Variants in DNAJC15 observed in about 807,000 individuals in gnomAD.
DNAJC15 encodes DnaJ heat shock protein family (Hsp40) member C15, also known as dnaJ homolog subfamily C member 15.
DNAJC15 carries 27 observed loss-of-function variants against 22.4 expected under a neutral mutation model. The observed-to-expected ratio is 1.20, with a 90% CI of 0.89 to 1.66. The LOEUF (loss-of-function observed/expected upper bound fraction) is 1.66. Ranked by LOEUF, DNAJC15 falls within the 40% of genes most tolerant of loss-of-function variation. The pLI is 0.00. For missense variants in DNAJC15, 208 were observed against 187.1 expected, an observed-to-expected ratio of 1.11 and a Z score of -0.65; for synonymous variants, 79 against 63.2, an observed-to-expected ratio of 1.25 and a Z score of -1.19.
intron 1 of DNAJC15, among the ~76,000 whole-genome samples, chr13:43,030,903 G>T (rs1210668749): frequency 6.6e-6 from 1 of 152,242 alleles, no homozygotes; most frequent in Non-Finnish European, 1.5e-5. Context: ...TAAAATGCTT[G>T]ATTTCGTAGG....
At chr13:43,063,256 C>T (rs1161264708) in intron 1 of DNAJC15, among the ~76,000 whole-genome samples, 3 of 152,126 alleles carry the variant, frequency 2.0e-5, no homozygotes, top group Non-Finnish European at 2.9e-5. Flanking sequence ...GTGATCTGCC[C>T]GTCTTGGCCT....
intron 1 of DNAJC15, among the ~76,000 whole-genome samples, chr13:43,027,680 G>A (rs2040386504): frequency 6.7e-6 from 1 of 148,320 alleles, no homozygotes; most frequent in Admixed American, 6.7e-5. Flanking sequence ...TTTTTGAGAT[G>A]GAGTCTTGCT....
At chr13:43,054,987 A>C (rs2040522332) in intron 1 of DNAJC15, among the ~76,000 whole-genome samples, 1 of 151,866 alleles carries the variant, frequency 6.6e-6, no homozygotes, top group African/African-American at 2.4e-5. Flanking sequence ...ACCAAACTTC[A>C]CAATGGGCCC....
At chr13:43,051,976 T>G (rs143813848) in intron 1 of DNAJC15, among the ~76,000 whole-genome samples, 2,925 of 152,146 alleles carry the variant, frequency 0.019, 75 homozygotes, top group South Asian at 0.11. Flanking sequence ...ATTATTATTA[T>G]TTTTTTGAGA....
At chr13:43,101,922 A>T (rs1421255489) in intron 5 of DNAJC15, among the ~76,000 whole-genome samples, 1 of 152,168 alleles carries the variant, frequency 6.6e-6, no homozygotes, top group Admixed American at 6.5e-5. Context: ...TCACATAATG[A>T]CTTCTTTTCC....
chr13:43,096,774 C>T (rs781353929), intron 5 of DNAJC15, among the ~76,000 whole-genome samples: 2 of 152,078 alleles, frequency 1.3e-5, no homozygotes, highest in African/African-American at 2.4e-5. Context: ...TTGTTTTGAC[C>T]AATAGAATAT....
intron 1 of DNAJC15, among the ~76,000 whole-genome samples, chr13:43,060,019 T>A (rs987602404): frequency 6.6e-6 from 1 of 152,240 alleles, no homozygotes; most frequent in Admixed American, 6.5e-5. Flanking sequence ...TTTGAGGATC[T>A]TCAGTTGCTT....
At chr13:43,097,047 A>C (rs780875741) in intron 5 of DNAJC15, among the ~76,000 whole-genome samples, 2 of 152,216 alleles carry the variant, frequency 1.3e-5, no homozygotes, top group Admixed American at 6.5e-5. Flanking sequence ...TTCGCCACTA[A>C]GTTTTGGGGT....
intron 2 of DNAJC15, among the ~76,000 whole-genome samples, chr13:43,067,587 C>T (rs974472315): frequency 1.3e-5 from 2 of 152,136 alleles, no homozygotes; most frequent in African/African-American, 4.8e-5. Flanking sequence ...ATAGACCACA[C>T]CATTCCCAAA....
At chr13:43,043,985 A>T (rs1263044819) in intron 1 of DNAJC15, among the ~76,000 whole-genome samples, 1 of 152,178 alleles carries the variant, frequency 6.6e-6, no homozygotes, top group East Asian at 1.9e-4. Context: ...GGATAATTTT[A>T]TAAATTCTCG....
intron 1 of DNAJC15, among the ~76,000 whole-genome samples, chr13:43,041,926 G>C (rs190083946): frequency 6.6e-6 from 1 of 152,170 alleles, no homozygotes; most frequent in Admixed American, 6.5e-5. Context: ...GTGTGGCCTG[G>C]GATCACAATG....
At position 43,110,760 on chromosome 13, in the gene DNAJC15, G is replaced by C. The variant is rs2040820993; in HGVS notation, c.*3512G>C. 1 of 152,126 alleles carries C rather than the reference G, an allele frequency of 6.6e-6. No homozygotes were observed. The allele number at this position is 152,126 out of a possible 1,614,324, so 9.4% of individuals were successfully genotyped here. On this transcript the variant is annotated 3_prime_UTR_variant, in exon 6 of 6. Transcript: ENST00000379221. ...CATATCAGTCTTGTTTATTGTTGCAGTGAACAAGTACAGTTGCAGATATTC... is the reference window on the plus strand; with the variant it reads ...CATATCAGTCTTGTTTATTGTTGCACTGAACAAGTACAGTTGCAGATATTC...
chr13:43,065,540 C>T, intron 1 of DNAJC15, 146 bp from the exon 2 acceptor site: 1 of 618,172 alleles, frequency 1.6e-6, no homozygotes, highest in Non-Finnish European at 2.9e-6. Context: ...CCCATAGACA[C>T]TGCATATTTT....
intron 1 of DNAJC15, among the ~76,000 whole-genome samples, chr13:43,041,761 T>C (rs2040455248): frequency 6.6e-6 from 1 of 152,236 alleles, no homozygotes; most frequent in Non-Finnish European, 1.5e-5. Context: ...AGCTGTCTGT[T>C]TTACTGTCTC....
In DNAJC15 at chr13:43,051,695, A is replaced by G. The variant is rs144728041; in HGVS notation, c.109-13991A>G. Among the ~76,000 whole-genome samples the G allele has an allele frequency of 5.1e-3, 778 of 151,212 alleles. 3 individuals carry two copies. Among genetic ancestry groups the G allele is most frequent in the Non-Finnish European group, 8.2e-3 (556 of 67,884 alleles). ...TCACATTTTCTTTATCCGCTCTTTGATGAGCATTTGGGCTGGTTCCATATT... is the reference window on the plus strand; with the variant it reads ...TCACATTTTCTTTATCCGCTCTTTGGTGAGCATTTGGGCTGGTTCCATATT... On this transcript the variant is annotated intron_variant, in intron 1 of 5. Coordinates refer to ENST00000379221, the MANE Select transcript of DNAJC15 (RefSeq NM_013238.3).
intron 3 of DNAJC15, 40 bp from the exon 4 acceptor site, chr13:43,078,572 C>T (rs201423129): frequency 1.5e-5 from 23 of 1,566,772 alleles, no homozygotes; most frequent in African/African-American, 2.7e-5. Flanking sequence ...CCACCTCATA[C>T]GTGGAACTAA....
At chr13:43,052,185 G>T (rs962047170) in intron 1 of DNAJC15, among the ~76,000 whole-genome samples, 1 of 151,910 alleles carries the variant, frequency 6.6e-6, no homozygotes, top group Non-Finnish European at 1.5e-5. Flanking sequence ...GGATGGTCTC[G>T]ATCTCCTGAC....
At chr13:43,024,500 C>G (rs1212971551) in intron 1 of DNAJC15, among the ~76,000 whole-genome samples, 5 of 151,958 alleles carry the variant, frequency 3.3e-5, no homozygotes, top group Non-Finnish European at 7.4e-5. Flanking sequence ...CCTGCCACCA[C>G]TCCCGGCTAA....
chr13:43,064,946 A>C (rs1005559039), intron 1 of DNAJC15, among the ~76,000 whole-genome samples: 3 of 149,046 alleles, frequency 2.0e-5, no homozygotes, highest in African/African-American at 7.5e-5. Flanking sequence ...TATCTAGCTA[A>C]AAACAGGAAT....
Sources: allele counts gnomAD v4.1 joint callset (sites outside exome capture counted in the v4.1 genomes callset), GRCh38; gene constraint gnomAD v4.1.1; transcripts MANE v1.5; gene names NCBI Gene and HGNC (gene_info 2026-07-23, HGNC 2026-07-21).